The following CATSPERE variants were observed in gnomAD, a reference collection of about 807,000 sequenced individuals.
CATSPERE encodes the protein cation channel sperm-associated auxiliary subunit epsilon.
Under a neutral mutation model 114.1 loss-of-function variants are expected in CATSPERE, and 93 were observed. The observed-to-expected ratio is 0.81, with a 90% CI of 0.69 to 0.97. The LOEUF is 0.97. Ranked by LOEUF, CATSPERE falls within the 50% of genes least tolerant of loss-of-function variation. CATSPERE has a pLI of 0.00. For synonymous variants in CATSPERE, 341 were observed against 384.1 expected (o/e 0.89, Z 1.31); for missense variants, 1,058 against 1,131.6 (o/e 0.93, Z 0.93).
chr1:244,451,465 T>C (rs1665596565), upstream of CATSPERE, among the ~76,000 whole-genome samples: 1 of 152,058 alleles, frequency 6.6e-6, no homozygotes, highest in Non-Finnish European at 1.5e-5. The surrounding 1 kb of genome is among the most constrained non-coding windows in gnomAD (Gnocchi z 6.6). Context: ...GTCCCCGACC[T>C]CCCGCCATTT....
intron 20 of CATSPERE, among the ~76,000 whole-genome samples, chr1:244,624,261 A>G (rs1002574560): frequency 9.9e-5 from 15 of 151,206 alleles, no homozygotes; most frequent in African/African-American, 3.2e-4. Context: ...GTGAGCCACC[A>G]CGCCTGGCCG....
At chr1:244,571,829 G>A (rs557672854) in intron 10 of CATSPERE, among the ~76,000 whole-genome samples, 6 of 152,174 alleles carry the variant, frequency 3.9e-5, no homozygotes, top group South Asian at 2.1e-4. Context: ...CTGTGTGTCC[G>A]GAGAGATCCC....
chr1:244,480,415 A>G (rs1170363628), intron 5 of CATSPERE, among the ~76,000 whole-genome samples: 1 of 152,214 alleles, frequency 6.6e-6, no homozygotes, highest in Admixed American at 6.5e-5. Context: ...CCTGACCCCA[A>G]GATGCCTGGA....
intron 19 of CATSPERE, among the ~76,000 whole-genome samples, chr1:244,611,501 G>C (rs1308411092): frequency 3.9e-5 from 6 of 151,988 alleles, no homozygotes; most frequent in Non-Finnish European, 7.4e-5. Flanking sequence ...AAGCTGAGGT[G>C]GGAGGATCAC....
At chr1:244,585,176 G>T (rs1179624688) in intron 13 of CATSPERE, among the ~76,000 whole-genome samples, 1 of 152,144 alleles carries the variant, frequency 6.6e-6, no homozygotes, top group Non-Finnish European at 1.5e-5. Flanking sequence ...ACTGGCTTGG[G>T]TAGGCTACTT....
upstream of CATSPERE, among the ~76,000 whole-genome samples, chr1:244,459,118 CGCCAG>C (rs1407661714): frequency 4.2e-5 from 6 of 143,880 alleles, no homozygotes; most frequent in Non-Finnish European, 6.0e-5. Context: ...CTAGTTCTGT[CGCCAG>C]GCTGGAGTTC....
chr1:244,572,065 T>C (rs1340062714), intron 10 of CATSPERE, among the ~76,000 whole-genome samples: 1 of 152,230 alleles, frequency 6.6e-6, no homozygotes, highest in Admixed American at 6.5e-5. Context: ...TTGTTATTAC[T>C]GAATACATGA....
At chr1:244,486,111 G>A (rs1292019172) in intron 5 of CATSPERE, among the ~76,000 whole-genome samples, 1 of 152,216 alleles carries the variant, frequency 6.6e-6, no homozygotes, top group Non-Finnish European at 1.5e-5. Flanking sequence ...TAAAATGAAA[G>A]TGTGGGGGTC....
At chr1:244,567,013 C>T (rs1475342274) in intron 10 of CATSPERE, among the ~76,000 whole-genome samples, 2 of 152,108 alleles carry the variant, frequency 1.3e-5, no homozygotes, top group African/African-American at 4.8e-5. Context: ...TTAGTGCTTC[C>T]TTCAGGAGCT....
At chr1:244,505,198 C>A (rs146421447) in intron 7 of CATSPERE, among the ~76,000 whole-genome samples, 240 of 152,250 alleles carry the variant, frequency 1.6e-3, no homozygotes, top group African/African-American at 5.6e-3. Flanking sequence ...CTTACTGGCA[C>A]TATAAGATGC....
At chr1:244,544,565 T>C (rs1263244037) in intron 8 of CATSPERE, among the ~76,000 whole-genome samples, 1 of 152,218 alleles carries the variant, frequency 6.6e-6, no homozygotes, top group Non-Finnish European at 1.5e-5. Context: ...AGTAAGGCCA[T>C]GTGGAAGCCA....
Position 244,477,625 on chromosome 1 carries a change from T to C in CATSPERE, c.188+11T>C, listed in dbSNP as rs1669573566. The C allele has an allele frequency of 6.6e-7, 1 of 1,512,026 alleles. No homozygotes were observed. Among genetic ancestry groups the C allele is most frequent in the Non-Finnish European group, 9.2e-7 (1 of 1,089,366 alleles). The allele number at this position is 1,512,026 out of a possible 1,614,324, so 93.7% of individuals were successfully genotyped here. A position where few individuals can be genotyped will look rare whatever the true frequency, so the allele number is the denominator to read the frequency against. On this transcript the variant is annotated intron_variant, in intron 3 of 21. Transcript: ENST00000366534. ...TGTGCTAAATAAAAGGTAAGATTTA[T>C]GCCATGAATATCAATGTATGTGTAT...
chr1:244,505,355 T>C (rs1028409712), intron 7 of CATSPERE, among the ~76,000 whole-genome samples: 1 of 152,176 alleles, frequency 6.6e-6, no homozygotes, highest in Non-Finnish European at 1.5e-5. Context: ...ATCGGGGTAC[T>C]AGGTGTGCTT....
upstream of CATSPERE, chr1:244,451,792 G>A (rs769147508): frequency 2.5e-6 from 4 of 1,595,294 alleles, no homozygotes; most frequent in Non-Finnish European, 3.4e-6. The surrounding 1 kb of genome is among the most constrained non-coding windows in gnomAD (Gnocchi z 6.6). Flanking sequence ...GGAGGATGCC[G>A]CCGGGTAGGT....
At chr1:244,602,091 G>A (rs1286694086) in intron 17 of CATSPERE, among the ~76,000 whole-genome samples, 1 of 152,138 alleles carries the variant, frequency 6.6e-6, no homozygotes, top group Non-Finnish European at 1.5e-5. Context: ...GGGAGAGGGT[G>A]AGGTGGGAGA....
chr1:244,481,796 C>T (rs1670308840), intron 5 of CATSPERE, among the ~76,000 whole-genome samples: 1 of 152,144 alleles, frequency 6.6e-6, no homozygotes, highest in South Asian at 2.1e-4. Flanking sequence ...TGCGAGGACC[C>T]AGTGAGAAGA....
chr1:244,549,280 C>T (rs1164552130), intron 8 of CATSPERE, among the ~76,000 whole-genome samples: 4 of 152,004 alleles, frequency 2.6e-5, no homozygotes, highest in African/African-American at 9.7e-5. Context: ...TCACAGAAGG[C>T]AAAAGTAATA....
At chr1:244,600,086 C>T (rs1301749154) in intron 17 of CATSPERE, among the ~76,000 whole-genome samples, 3 of 152,104 alleles carry the variant, frequency 2.0e-5, no homozygotes, top group East Asian at 3.9e-4. Context: ...CAACTTAGGA[C>T]GTGACGGGAC....
chr1:244,546,141 C>T (rs1362258217), intron 8 of CATSPERE, among the ~76,000 whole-genome samples: 1 of 152,164 alleles, frequency 6.6e-6, no homozygotes, highest in African/African-American at 2.4e-5. Context: ...CAGCAGCAGG[C>T]AGATCTTAGA....
Sources: allele counts gnomAD v4.1 joint callset (sites outside exome capture counted in the v4.1 genomes callset), GRCh38; gene constraint gnomAD v4.1.1; non-coding constraint Gnocchi (gnomAD v3.1); transcripts MANE v1.5; gene names NCBI Gene and HGNC (gene_info 2026-07-23, HGNC 2026-07-21).